Variants in ZNRF2 observed in about 807,000 individuals in gnomAD.
ZNRF2 encodes E3 ubiquitin-protein ligase ZNRF2.
A neutral mutation model predicts 20.4 loss-of-function variants in ZNRF2; 16 were observed. The observed-to-expected ratio is 0.79, with a 90% confidence interval of 0.53 to 1.19. The LOEUF (loss-of-function observed/expected upper bound fraction) is 1.19, where lower values mean the gene tolerates loss of function less well. Among genes scored for constraint, ZNRF2 ranks in the 50% most tolerant of loss-of-function variants. ZNRF2 has a pLI of 0.00. For synonymous variants in ZNRF2, 178 were observed against 144.9 expected, an observed-to-expected ratio of 1.23 and a Z score of -1.64; for missense variants, 363 against 332.4, an observed-to-expected ratio of 1.09 and a Z score of -0.72.
At chr7:30,334,518 G>A (rs138930319) in intron 2 of ZNRF2, among the ~76,000 whole-genome samples, 1 of 152,292 alleles carries the variant, frequency 6.6e-6, no homozygotes, top group East Asian at 1.9e-4. Context: ...TTTGGATTCT[G>A]TGAAAAATGA....
At chr7:30,356,336 C>T (rs940662516) in intron 3 of ZNRF2, among the ~76,000 whole-genome samples, 15 of 150,908 alleles carry the variant, frequency 9.9e-5, no homozygotes, top group African/African-American at 2.9e-4. Flanking sequence ...AACTTTCAAC[C>T]TGATGAAAAT....
chr7:30,292,929 T>A (rs955929008), intron 1 of ZNRF2, among the ~76,000 whole-genome samples: 3 of 152,274 alleles, frequency 2.0e-5, no homozygotes, highest in Middle Eastern at 3.4e-3. Context: ...TGCAGAGGAT[T>A]GACATAATCT....
At chr7:30,321,409 T>C (rs1394733374) in intron 1 of ZNRF2, among the ~76,000 whole-genome samples, 1 of 152,164 alleles carries the variant, frequency 6.6e-6, no homozygotes, top group Non-Finnish European at 1.5e-5. Context: ...ATTTTTTTTT[T>C]CTCATTTGCT....
chr7:30,286,066 G>A (rs1289498109), intron 1 of ZNRF2, among the ~76,000 whole-genome samples: 2 of 152,306 alleles, frequency 1.3e-5, no homozygotes, highest in East Asian at 1.9e-4. Context: ...TCACCTCAGC[G>A]GCTGCCCAGT....
chr7:30,295,655 A>G (rs1215042443), intron 1 of ZNRF2, among the ~76,000 whole-genome samples: 3 of 152,230 alleles, frequency 2.0e-5, no homozygotes, highest in Admixed American at 2.0e-4. Flanking sequence ...AGTTGCAGTG[A>G]GCCAGGATTG....
intron 2 of ZNRF2, among the ~76,000 whole-genome samples, chr7:30,329,921 C>T (rs1011321836): frequency 1.3e-5 from 2 of 152,134 alleles, no homozygotes; most frequent in African/African-American, 2.4e-5. Context: ...ACATTCCCAC[C>T]AACAGTGTAC....
intron 2 of ZNRF2, among the ~76,000 whole-genome samples, chr7:30,344,806 A>G (rs552019541): frequency 6.6e-6 from 1 of 152,324 alleles, no homozygotes; most frequent in Non-Finnish European, 1.5e-5. Context: ...TTTAACACAG[A>G]CTGCTTATCT....
chr7:30,313,742 G>A (rs184605499), intron 1 of ZNRF2, among the ~76,000 whole-genome samples: 1 of 152,114 alleles, frequency 6.6e-6, no homozygotes, highest in East Asian at 1.9e-4. Flanking sequence ...CATCAGTGAA[G>A]AATAAAAAAC....
At chr7:30,286,794 G>A (rs1343418702) in intron 1 of ZNRF2, among the ~76,000 whole-genome samples, 1 of 152,128 alleles carries the variant, frequency 6.6e-6, no homozygotes, top group Non-Finnish European at 1.5e-5. Context: ...CCATTTCATC[G>A]CATTATGTAT....
chr7:30,321,906 T>A (rs1177386838), intron 1 of ZNRF2, among the ~76,000 whole-genome samples: 1 of 152,166 alleles, frequency 6.6e-6, no homozygotes, highest in East Asian at 1.9e-4. Context: ...GTGTCTAATC[T>A]TTTGGCTTCC....
At chr7:30,328,775 G>C (rs546142451) in intron 2 of ZNRF2, among the ~76,000 whole-genome samples, 1 of 152,314 alleles carries the variant, frequency 6.6e-6, no homozygotes, top group African/African-American at 2.4e-5. Flanking sequence ...GAAACTCTCA[G>C]GGATTGGGCA....
rs1334438617 is a variant in ZNRF2 at position 30,285,319 on chromosome 7, G to C, written c.-39G>C. 2 of 1,072,048 alleles carry C rather than the reference G, an allele frequency of 1.9e-6. No individual in the cohort carries two copies. Among genetic ancestry groups the C allele is most frequent in the Non-Finnish European group, 2.2e-6 (2 of 889,512 alleles). 66.4% of individuals were successfully genotyped at this position (1,072,048 alleles called of 1,614,324 possible). On this transcript the variant is annotated 5_prime_UTR_variant, in exon 1 of 5. Transcript: ENST00000323037. ...GCTCGCTCCCGCCCTCCCGGCTCTC[G>C]GGGCGCAGCGCGCGGGCCCGGCCCG...
intron 1 of ZNRF2, among the ~76,000 whole-genome samples, chr7:30,296,287 G>T (rs538990327): frequency 6.6e-6 from 1 of 152,258 alleles, no homozygotes; most frequent in East Asian, 1.9e-4. Context: ...AATTGCCTTA[G>T]AAGTAAAATT....
At chr7:30,314,607 A>G (rs2128060939) in intron 1 of ZNRF2, among the ~76,000 whole-genome samples, 1 of 152,172 alleles carries the variant, frequency 6.6e-6, no homozygotes, top group South Asian at 2.1e-4. Flanking sequence ...AAAAGGGGGC[A>G]TCTCTGCAGT....
At position 30,284,792 on chromosome 7, in the gene ZNRF2, G is replaced by A. The variant is rs1798739786; in HGVS notation, c.-566G>A. On this transcript the variant is annotated 5_prime_UTR_variant, in exon 1 of 5. Transcript: ENST00000323037. ...GCGCCACCTCTCCCTCCCATTTTTC[G>A]TTCTCCCCTCGCGCGCCACCCGTTT... is the stretch of plus-strand genomic sequence containing the variant. 5.5e-6 allele frequency: 1 copy of A among 182,726 alleles called. No homozygotes were observed. The highest frequency in any genetic ancestry group is 2.4e-5 in the African/African-American group (1 of 41,504). 11.3% of individuals were successfully genotyped at this position (182,726 alleles called of 1,614,324 possible).
At chr7:30,359,083 A>T (rs1800083877) in intron 3 of ZNRF2, among the ~76,000 whole-genome samples, 1 of 152,204 alleles carries the variant, frequency 6.6e-6, no homozygotes, top group African/African-American at 2.4e-5. Context: ...TTGGTTATTG[A>T]TATGGAAAAA....
chr7:30,358,795 A>G (rs42583), intron 3 of ZNRF2, among the ~76,000 whole-genome samples: 3,178 of 152,336 alleles, frequency 0.021, 79 homozygotes, highest in African/African-American at 0.062. Flanking sequence ...CTTTGAAGTC[A>G]AGACACTCAG....
At position 30,355,732 on chromosome 7, in the gene ZNRF2, T is replaced by A; in HGVS notation, c.570T>A (p.Asp190Glu). 2 of 1,611,304 alleles carry A rather than the reference T, an allele frequency of 1.2e-6. No individual in the cohort carries two copies. Among genetic ancestry groups the A allele is most frequent in the Non-Finnish European group, 1.7e-6 (2 of 1,177,924 alleles). ...LTKPRITYNE[D>E]VLSKDAGECA... ...ATTCATTTTCTCTTTCTTCAGAGGA[T>A]GTACTGAGTAAAGATGCTGGGGAAT... The change falls in exon 3 of 5, where the codon GAT (aspartate) becomes GAA (glutamate). Residue 190 changes from aspartate (D) to glutamate (E), a missense_variant. Physicochemically the swap from Asp to Glu is conservative, Grantham distance 45. Coordinates refer to ENST00000323037, the MANE Select transcript of ZNRF2 (RefSeq NM_147128.4).
rs917129824 is a variant in ZNRF2, at chr7:30,317,186, G to A, written c.470-6456G>A. Among the ~76,000 whole-genome samples, 8 of 152,100 alleles carry A rather than the reference G, an allele frequency of 5.3e-5. No homozygotes were observed. The South Asian group carries it at 6.2e-4, about 12-fold the overall frequency. On this transcript the variant is annotated intron_variant, in intron 1 of 4. Coordinates refer to ENST00000323037, the MANE Select transcript of ZNRF2 (RefSeq NM_147128.4). ...GAGGCCAACTGTATAGTTCATTTCCGTATTTATTTGGATATTTATTAAGTG... is the reference window on the plus strand; with the variant it reads ...GAGGCCAACTGTATAGTTCATTTCCATATTTATTTGGATATTTATTAAGTG...
Sources: allele counts gnomAD v4.1 joint callset (sites outside exome capture counted in the v4.1 genomes callset), GRCh38; gene constraint gnomAD v4.1.1; transcripts MANE v1.5; gene names NCBI Gene and HGNC (gene_info 2026-07-23, HGNC 2026-07-21).